The following MICU3 variants were observed in gnomAD, a reference collection of about 807,000 sequenced individuals.
MICU3 encodes mitochondrial calcium uptake 3, also known as calcium uptake protein 3, mitochondrial.
Under a neutral mutation model 66.5 loss-of-function variants are expected in MICU3, and 62 were observed. The ratio of observed to expected loss-of-function variants is 0.93; its 90% confidence interval spans 0.76 to 1.15. The LOEUF is 1.15. MICU3 is among the 50% of genes most tolerant of loss of function. The pLI is 0.00. For missense variants in MICU3, 779 were observed against 664.4 expected, an observed-to-expected ratio of 1.17 and a Z score of -1.90; for synonymous variants, 308 against 240.7, an observed-to-expected ratio of 1.28 and a Z score of -2.59.
chr8:17,044,873 T>G (rs937034530), intron 1 of MICU3, among the ~76,000 whole-genome samples: 5 of 152,220 alleles, frequency 3.3e-5, no homozygotes, highest in Non-Finnish European at 5.9e-5. Flanking sequence ...ATTCCTTACC[T>G]ATGCTCCTGG....
intron 1 of MICU3, among the ~76,000 whole-genome samples, chr8:17,041,617 C>A (rs1209236379): frequency 6.6e-6 from 1 of 150,844 alleles, no homozygotes; most frequent in Non-Finnish European, 1.5e-5. Context: ...AGATGGAAGA[C>A]CCTCGATCGT....
At chr8:17,029,331 C>T (rs1811602322) in intron 1 of MICU3, among the ~76,000 whole-genome samples, 1 of 152,110 alleles carries the variant, frequency 6.6e-6, no homozygotes, top group Non-Finnish European at 1.5e-5. Context: ...CAAAAATCAG[C>T]CGGGTGTGGT....
intron 1 of MICU3, among the ~76,000 whole-genome samples, chr8:17,056,147 T>C (rs903065916): frequency 9.9e-5 from 15 of 152,200 alleles, no homozygotes; most frequent in Non-Finnish European, 2.1e-4. Flanking sequence ...ATTCCTATCT[T>C]AGAAGGTCAC....
At chr8:17,041,444 A>C (rs919628802) in intron 1 of MICU3, among the ~76,000 whole-genome samples, 3 of 152,196 alleles carry the variant, frequency 2.0e-5, no homozygotes, top group Non-Finnish European at 4.4e-5. Context: ...TTGTGAAGAC[A>C]TTGGAGGTGA....
intron 1 of MICU3, among the ~76,000 whole-genome samples, chr8:17,044,618 A>C (rs887580467): frequency 6.6e-6 from 1 of 152,220 alleles, no homozygotes; most frequent in Non-Finnish European, 1.5e-5. Context: ...GTGGATCTTC[A>C]TGTAGTTGTT....
At chr8:17,031,209 C>T (rs1230787867) in intron 1 of MICU3, among the ~76,000 whole-genome samples, 1 of 151,624 alleles carries the variant, frequency 6.6e-6, no homozygotes, top group Non-Finnish European at 1.5e-5. Flanking sequence ...CAGAGCATGA[C>T]TTGGCTCAAG....
chr8:17,066,521 A>C (rs1043729327), intron 2 of MICU3, among the ~76,000 whole-genome samples: 6 of 125,706 alleles, frequency 4.8e-5, no homozygotes, highest in African/African-American at 1.5e-4. Flanking sequence ...AATAATCTAT[A>C]TATATATATA....
chr8:17,088,465 T>G (rs1041532020), intron 7 of MICU3, among the ~76,000 whole-genome samples: 1 of 151,984 alleles, frequency 6.6e-6, no homozygotes, highest in African/African-American at 2.4e-5. Flanking sequence ...ACTAAATGAG[T>G]AAACAGTTAT....
At chr8:17,120,043 A>T (rs1803076950) in intron 14 of MICU3, among the ~76,000 whole-genome samples, 1 of 152,172 alleles carries the variant, frequency 6.6e-6, no homozygotes, top group South Asian at 2.1e-4. Flanking sequence ...GGCACCACTG[A>T]TTCTAAGTAA....
chr8:17,074,163 G>A (rs1820033078), intron 3 of MICU3, among the ~76,000 whole-genome samples: 1 of 151,908 alleles, frequency 6.6e-6, no homozygotes, highest in Non-Finnish European at 1.5e-5. Flanking sequence ...TGGGATTACA[G>A]GTGTGAGCTG....
At chr8:17,039,768 C>T (rs993785109) in intron 1 of MICU3, among the ~76,000 whole-genome samples, 2 of 151,720 alleles carry the variant, frequency 1.3e-5, no homozygotes, top group African/African-American at 4.8e-5. Flanking sequence ...CATTTGGGAT[C>T]ATTAAACAAT....
intron 1 of MICU3, among the ~76,000 whole-genome samples, chr8:17,056,628 A>G (rs1340260626): frequency 3.9e-5 from 6 of 152,266 alleles, no homozygotes; most frequent in Non-Finnish European, 8.8e-5. Context: ...ATAGGGATAT[A>G]TAAAGGAAAT....
At chr8:17,069,103 T>G (rs552807797) in intron 2 of MICU3, among the ~76,000 whole-genome samples, 126 of 152,296 alleles carry the variant, frequency 8.3e-4, no homozygotes, top group African/African-American at 3.0e-3. Context: ...GCTGTAACAC[T>G]CTTACTCCAG....
intron 1 of MICU3, among the ~76,000 whole-genome samples, chr8:17,057,960 G>A (rs1008001032): frequency 1.3e-5 from 2 of 151,952 alleles, no homozygotes; most frequent in Non-Finnish European, 2.9e-5. Flanking sequence ...TGATTCTCCT[G>A]CCTCAGCTCC....
chr8:17,125,422 G>C (rs1045793249), downstream of MICU3, among the ~76,000 whole-genome samples: 1 of 151,658 alleles, frequency 6.6e-6, no homozygotes, highest in Admixed American at 6.6e-5. Context: ...TCATATTAGA[G>C]GTATTTCTCA....
intron 1 of MICU3, among the ~76,000 whole-genome samples, chr8:17,033,120 G>T (rs923248517): frequency 9.2e-5 from 14 of 152,110 alleles, no homozygotes; most frequent in African/African-American, 3.4e-4. Context: ...TGGCCTCTAA[G>T]TGTTCACGTG....
intron 8 of MICU3, 53 bp from the exon 9 acceptor site, chr8:17,098,405 A>G: frequency 1.8e-6 from 2 of 1,117,204 alleles, no homozygotes; most frequent in Middle Eastern, 2.0e-4. Context: ...ATAAATTATC[A>G]TTCTTTGTAA....
chr8:17,093,672 G>C (rs1160162256), intron 8 of MICU3, among the ~76,000 whole-genome samples: 4 of 151,750 alleles, frequency 2.6e-5, no homozygotes, highest in Non-Finnish European at 5.9e-5. Flanking sequence ...TAAGATTATA[G>C]ATTATTTATA....
chr8:17,032,481 A>T (rs1485576899), intron 1 of MICU3, among the ~76,000 whole-genome samples: 1 of 152,218 alleles, frequency 6.6e-6, no homozygotes, highest in Non-Finnish European at 1.5e-5. Context: ...GTTCGCCTTA[A>T]AAAGCTTCAA....
Sources: allele counts gnomAD v4.1 joint callset (sites outside exome capture counted in the v4.1 genomes callset), GRCh38; gene constraint gnomAD v4.1.1; transcripts MANE v1.5; gene names NCBI Gene and HGNC (gene_info 2026-07-23, HGNC 2026-07-21).